The following PTGER3 variants were observed in gnomAD, a reference collection of about 807,000 sequenced individuals.
PTGER3 encodes the protein prostaglandin E2 receptor EP3 subtype.
A neutral mutation model predicts 34.7 loss-of-function variants in PTGER3; 22 were observed. The ratio of observed to expected loss-of-function variants is 0.63; its 90% CI spans 0.45 to 0.91. The LOEUF (loss-of-function observed/expected upper bound fraction) is 0.91. PTGER3 is among the 40% of genes least tolerant of loss of function. The pLI, the probability that PTGER3 is intolerant of heterozygous loss-of-function variation, is 0.00. For synonymous variants in PTGER3, 241 were observed against 230.1 expected (o/e 1.05, Z -0.43); for missense variants, 468 against 519.4 (o/e 0.90, Z 0.96).
intron 4 of PTGER3, among the ~76,000 whole-genome samples, chr1:70,913,960 G>A (rs989718757): frequency 2.0e-5 from 3 of 151,746 alleles, no homozygotes; most frequent in Non-Finnish European, 4.4e-5. Context: ...TTGAGTTTTG[G>A]TATCAGAGTA....
At chr1:70,974,123 A>G (rs1209321457) in intron 3 of PTGER3, among the ~76,000 whole-genome samples, 174 bp downstream of exon 3, 1 of 152,222 alleles carries the variant, frequency 6.6e-6, no homozygotes, top group African/African-American at 2.4e-5. Flanking sequence ...AGGAAACTTA[A>G]GTAAAGTTAA....
At chr1:70,947,009 A>G (rs1481972365) in intron 4 of PTGER3, among the ~76,000 whole-genome samples, 1 of 152,086 alleles carries the variant, frequency 6.6e-6, no homozygotes, top group Non-Finnish European at 1.5e-5. Context: ...TAAACTCAAG[A>G]GTTCCAGGAC....
chr1:71,011,209 A>C, intron 2 of PTGER3: 5 of 985,404 alleles, frequency 5.1e-6, no homozygotes, highest in Non-Finnish European at 4.8e-6. Flanking sequence ...TTAGTAATAA[A>C]TATTTAGATA....
chr1:71,022,666 T>A (rs1380259381), intron 1 of PTGER3, among the ~76,000 whole-genome samples: 1 of 151,480 alleles, frequency 6.6e-6, no homozygotes, highest in Non-Finnish European at 1.5e-5. Context: ...TGCTCACCAA[T>A]CCTAATTCAT....
intron 2 of PTGER3, among the ~76,000 whole-genome samples, chr1:70,995,480 TAAGA>T (rs1655850376): frequency 6.6e-6 from 1 of 152,042 alleles, no homozygotes; most frequent in Admixed American, 6.5e-5. Flanking sequence ...TTAGAAGGAG[TAAGA>T]AACTCACTCT....
Position 71,012,320 on chromosome 1 carries a change from A to G in PTGER3, c.1062T>C (p.Leu354=). 6.2e-7 allele frequency: 1 copy of G among 1,614,144 alleles called. No individual in the cohort carries two copies. Among genetic ancestry groups the G allele is most frequent in the South Asian group, 1.1e-5 (1 of 91,070 alleles). ...CATTTGCTACCTGGCAAAACTTTCG[A>G]AGAAGGATCTTTCTTAACAGCAGGT... ...WVYLLLRKIL[L]RKFCQIRYHT... is the part of the protein sequence containing the mutation. The change falls in exon 2 of 4, where the codon CTT becomes CTC. Residue 354 remains leucine (L), a synonymous_variant. Coordinates refer to ENST00000306666, the MANE Select transcript of PTGER3 (RefSeq NM_198719.2).
At chr1:70,891,563 G>A (rs1197564013) in intron 4 of PTGER3, among the ~76,000 whole-genome samples, 14 of 152,000 alleles carry the variant, frequency 9.2e-5, no homozygotes, top group Admixed American at 9.2e-4. Context: ...TAAAATAGGA[G>A]GACATCAAAT....
At position 71,027,345 on chromosome 1, in the gene PTGER3, A is replaced by G. The variant is rs143563370; in HGVS notation, c.898-14861T>C. 7.8e-3 allele frequency among the ~76,000 whole-genome samples: 1,194 copies of G among 152,188 alleles called. 22 individuals carry two copies. Among genetic ancestry groups the G allele is most frequent in the African/African-American group, 0.028 (1,148 of 41,546 alleles). On this transcript the variant is annotated intron_variant, in intron 1 of 3. Coordinates refer to ENST00000306666, the MANE Select transcript of PTGER3 (RefSeq NM_198719.2). ...AATTTTTTTCTTTTTAAATTTTTGT[A>G]GAGACAGGCATCTCCCTACATTGCT...
chr1:70,952,762 GAC>G, exon 4 of PTGER3: 1 of 1,307,028 alleles, frequency 7.7e-7, no homozygotes, highest in Non-Finnish European at 9.8e-7. Flanking sequence ...TTGCCCAAAT[GAC>G]CTGGCTTGCT....
At chr1:70,877,345 G>A (rs1646294401) in intron 4 of PTGER3, among the ~76,000 whole-genome samples, 1 of 152,116 alleles carries the variant, frequency 6.6e-6, no homozygotes, top group African/African-American at 2.4e-5. Flanking sequence ...AGATCTAAGA[G>A]CTCTTGGGAA....
intron 4 of PTGER3, among the ~76,000 whole-genome samples, chr1:70,881,727 G>A (rs538804904): frequency 6.6e-6 from 1 of 152,238 alleles, no homozygotes; most frequent in South Asian, 2.1e-4. Flanking sequence ...CCATGACTGT[G>A]TTTCTTTTGT....
At chr1:70,853,144 T>C (rs1027985520) in intron 4 of PTGER3, among the ~76,000 whole-genome samples, 18 of 152,184 alleles carry the variant, frequency 1.2e-4, no homozygotes, top group African/African-American at 3.1e-4. Flanking sequence ...GGTGGAAACA[T>C]GGTAAGACAT....
chr1:70,876,564 T>C (rs922853639), intron 4 of PTGER3, among the ~76,000 whole-genome samples: 8 of 152,104 alleles, frequency 5.3e-5, no homozygotes, highest in African/African-American at 1.9e-4. Context: ...TCCTAGGTTA[T>C]CTTCCAGGGT....
chr1:70,903,850 C>A (rs981156185), intron 4 of PTGER3, among the ~76,000 whole-genome samples: 7 of 152,204 alleles, frequency 4.6e-5, no homozygotes, highest in Non-Finnish European at 7.3e-5. Context: ...AGATTTCAAA[C>A]TCCTTGAATC....
intron 1 of PTGER3, among the ~76,000 whole-genome samples, chr1:71,025,396 G>A (rs538832959): frequency 6.6e-6 from 1 of 151,874 alleles, no homozygotes; most frequent in East Asian, 1.9e-4. Flanking sequence ...ATCTATAAGA[G>A]GATATTCTAT....
At chr1:70,907,767 G>A (rs1456248251) in intron 4 of PTGER3, among the ~76,000 whole-genome samples, 1 of 152,184 alleles carries the variant, frequency 6.6e-6, no homozygotes, top group Non-Finnish European at 1.5e-5. Flanking sequence ...ACCTCACAGA[G>A]AGTTCCCATA....
At chr1:70,955,517 G>A (rs568932394) in intron 2 of PTGER3, among the ~76,000 whole-genome samples, 2 of 152,072 alleles carry the variant, frequency 1.3e-5, no homozygotes, top group Admixed American at 1.3e-4. Flanking sequence ...AGGGAAGGAA[G>A]ATAAGGAGGA....
chr1:70,926,728 G>A (rs1343662390), intron 4 of PTGER3, among the ~76,000 whole-genome samples: 4 of 151,910 alleles, frequency 2.6e-5, no homozygotes, highest in African/African-American at 9.7e-5. Flanking sequence ...TTGAATAGGA[G>A]TGGTGAGAGA....
In PTGER3 at chr1:71,032,994, A is replaced by G. The variant is rs534223767; in HGVS notation, c.897+13687T>C. 8.5e-5 allele frequency among the ~76,000 whole-genome samples: 13 copies of G among 152,276 alleles called. No individual in the cohort carries two copies. The South Asian group carries it at 2.1e-3, about 24-fold the overall frequency. On this transcript the variant is annotated intron_variant, in intron 1 of 3. Coordinates refer to ENST00000306666, the MANE Select transcript of PTGER3 (RefSeq NM_198719.2). ...TGACATTCTATTATTTTATAAGCAA[A>G]TTTTGGTAACTTCTGTGTCTCTGTG... is the stretch of plus-strand genomic sequence containing the variant.
Sources: gnomAD v4.1 joint callset for allele counts (sites outside exome capture counted in the v4.1 genomes callset) on GRCh38, gnomAD v4.1.1 for gene constraint, MANE v1.5 for transcripts, NCBI Gene and HGNC (gene_info 2026-07-23, HGNC 2026-07-21) for gene names.